The following LRFN5 variants were observed in gnomAD, a reference collection of about 807,000 sequenced individuals.
The protein encoded by LRFN5 is leucine rich repeat and fibronectin type III domain containing 5.
In LRFN5, 24 loss-of-function variants were observed where a neutral mutation model predicts 45.6. That is an observed-to-expected ratio of 0.53 (90% confidence interval 0.38 to 0.74). The LOEUF (loss-of-function observed/expected upper bound fraction) is 0.74, where lower values mean the gene tolerates loss of function less well. Among genes scored for constraint, LRFN5 ranks in the 30% least tolerant of loss-of-function variants. The pLI is 0.00. For synonymous variants in LRFN5, 340 were observed against 313.8 expected (o/e 1.08, Z -0.88); for missense variants, 776 against 861.5 (o/e 0.90, Z 1.24).
intron 2 of LRFN5, among the ~76,000 whole-genome samples, chr14:41,853,377 G>C (rs1192504983): frequency 6.6e-6 from 1 of 152,008 alleles, no homozygotes; most frequent in South Asian, 2.1e-4. Flanking sequence ...AGGTAATAGA[G>C]TCTTGGTCTA....
intron 2 of LRFN5, among the ~76,000 whole-genome samples, chr14:41,768,614 A>T (rs1885972510): frequency 6.6e-6 from 1 of 152,166 alleles, no homozygotes. Flanking sequence ...ACACTGTCCA[A>T]GCCTGAGGCG....
intron 2 of LRFN5, among the ~76,000 whole-genome samples, chr14:41,805,739 C>T (rs537461017): frequency 2.2e-4 from 33 of 151,850 alleles, no homozygotes; most frequent in Non-Finnish European, 4.1e-4. Context: ...AACCAAACAC[C>T]GTATAAGTTT....
chr14:41,797,682 T>C (rs1887179410), intron 2 of LRFN5, among the ~76,000 whole-genome samples: 1 of 151,678 alleles, frequency 6.6e-6, no homozygotes, highest in Non-Finnish European at 1.5e-5. Context: ...TATTTATGTA[T>C]GTATGTATAT....
chr14:41,882,371 A>G (rs2139141060), intron 2 of LRFN5, among the ~76,000 whole-genome samples: 2 of 152,228 alleles, frequency 1.3e-5, no homozygotes, highest in South Asian at 4.1e-4. Flanking sequence ...TCTGTATGGA[A>G]ATGAAGGGGA....
At chr14:41,695,455 T>G (rs1331972798) in intron 1 of LRFN5, among the ~76,000 whole-genome samples, 1 of 152,068 alleles carries the variant, frequency 6.6e-6, no homozygotes, top group East Asian at 1.9e-4. Flanking sequence ...TCTAGGACTT[T>G]CATAGCTAAA....
intron 1 of LRFN5, among the ~76,000 whole-genome samples, chr14:41,656,979 C>A (rs912113215): frequency 2.0e-5 from 3 of 151,696 alleles, no homozygotes; most frequent in East Asian, 1.9e-4. Context: ...AAGTAAAAAC[C>A]CTTATCCTCA....
chr14:41,865,036 T>A (rs1328796514), intron 2 of LRFN5, among the ~76,000 whole-genome samples: 1 of 152,116 alleles, frequency 6.6e-6, no homozygotes, highest in Non-Finnish European at 1.5e-5. Context: ...TTTCTATTTT[T>A]AAAAAAATTT....
At chr14:41,662,272 A>C (rs1033780448) in intron 1 of LRFN5, among the ~76,000 whole-genome samples, 2 of 152,052 alleles carry the variant, frequency 1.3e-5, no homozygotes, top group Admixed American at 1.3e-4. Flanking sequence ...CATTGTTCCT[A>C]ACCACCTACG....
chr14:41,661,185 A>G (rs536098058), intron 1 of LRFN5, among the ~76,000 whole-genome samples: 1 of 151,922 alleles, frequency 6.6e-6, no homozygotes, highest in East Asian at 1.9e-4. Context: ...CCTAATTGAA[A>G]CTAAAATCTC....
chr14:41,642,806 G>A (rs567691761), intron 1 of LRFN5, among the ~76,000 whole-genome samples: 13 of 152,118 alleles, frequency 8.5e-5, no homozygotes, highest in Middle Eastern at 3.4e-3. Flanking sequence ...GAACTGTAGC[G>A]TAAAAGGCTA....
At chr14:41,873,300 TA>T (rs749829595) in intron 2 of LRFN5, among the ~76,000 whole-genome samples, 49 of 152,108 alleles carry the variant, frequency 3.2e-4, no homozygotes, top group Non-Finnish European at 6.5e-4. Flanking sequence ...AATTTTTCTT[TA>T]GGGGTAGAAG....
chr14:41,816,936 G>T (rs1887939173), intron 2 of LRFN5, among the ~76,000 whole-genome samples: 1 of 146,520 alleles, frequency 6.8e-6, no homozygotes, highest in Non-Finnish European at 1.5e-5. Context: ...TTATTTCTCA[G>T]TTTGGGGTTG....
chr14:41,812,300 T>A (rs767396744), intron 2 of LRFN5, among the ~76,000 whole-genome samples: 1 of 152,016 alleles, frequency 6.6e-6, no homozygotes, highest in South Asian at 2.1e-4. Context: ...TATTATATAT[T>A]AAAATGATTT....
chr14:41,737,320 C>T (rs1884484465), intron 1 of LRFN5, among the ~76,000 whole-genome samples: 1 of 152,104 alleles, frequency 6.6e-6, no homozygotes, highest in Non-Finnish European at 1.5e-5. Flanking sequence ...GCTACATACA[C>T]TCAATAAACT....
chr14:41,650,949 G>A (rs1328718676), intron 1 of LRFN5, among the ~76,000 whole-genome samples: 6 of 150,396 alleles, frequency 4.0e-5, no homozygotes, highest in Admixed American at 1.3e-4. Context: ...GGAATATGGC[G>A]TTTATGCAGT....
In LRFN5 at chr14:41,693,423, G is replaced by A. The variant is rs549698676; in HGVS notation, c.-196-73431G>A. Among the ~76,000 whole-genome samples the A allele has an allele frequency of 9.9e-5, 15 of 152,146 alleles. No homozygotes were observed. The East Asian group carries it at 2.9e-3, about 29-fold the overall frequency. ...CATTGACACGTATTTTACTCAACGTGTTTTGTAAACTCCAAAATACATGTT... is the reference window on the plus strand; with the variant it reads ...CATTGACACGTATTTTACTCAACGTATTTTGTAAACTCCAAAATACATGTT... On this transcript the variant is annotated intron_variant, in intron 1 of 5. Coordinates refer to ENST00000298119, the MANE Select transcript of LRFN5 (RefSeq NM_152447.5).
chr14:41,673,837 C>G (rs1181380540), intron 1 of LRFN5, among the ~76,000 whole-genome samples: 11 of 146,206 alleles, frequency 7.5e-5, no homozygotes, highest in African/African-American at 2.8e-4. Flanking sequence ...GGCAGATGGC[C>G]GGGCGGGGGG....
rs556849495 is a variant in LRFN5, at chr14:41,894,149, AAGACTTTCTG to A, written c.2098+2188_2098+2197del. 158 of 984,798 alleles carry A rather than the reference AAGACTTTCTG, an allele frequency of 1.6e-4. No homozygotes were observed. In the African/African-American group the frequency reaches 2.3e-3, roughly 14 times the overall value. 61.0% of individuals were successfully genotyped at this position (984,798 alleles called of 1,614,324 possible). On this transcript the variant is annotated intron_variant, in intron 4 of 5. Transcript: ENST00000298119. Reference sequence around the variant, plus strand: ...CAAGACTTAAAGAAATGAATCTTCAAAGACTTTCTGGGATTATGAAGGTTGTGATCAAAGA... The same window carrying A: ...CAAGACTTAAAGAAATGAATCTTCAAGGATTATGAAGGTTGTGATCAAAGA...
intron 2 of LRFN5, among the ~76,000 whole-genome samples, chr14:41,854,872 A>T (rs986410353): frequency 8.5e-5 from 13 of 152,190 alleles, no homozygotes; most frequent in Non-Finnish European, 1.0e-4. Flanking sequence ...CACATCTCTG[A>T]TCGATAAAAC....
Sources: allele counts gnomAD v4.1 joint callset (sites outside exome capture counted in the v4.1 genomes callset), GRCh38; gene constraint gnomAD v4.1.1; transcripts MANE v1.5; gene names NCBI Gene and HGNC (gene_info 2026-07-23, HGNC 2026-07-21).